The following OXNAD1 variants were observed in gnomAD, a reference collection of about 807,000 sequenced individuals.
OXNAD1 encodes the protein oxidoreductase NAD binding domain containing 1, also known as oxidoreductase NAD-binding domain-containing protein 1.
OXNAD1 carries 34 observed loss-of-function variants against 32.9 expected under a neutral mutation model. The ratio of observed to expected loss-of-function variants is 1.03; its 90% CI spans 0.79 to 1.38. OXNAD1 has a LOEUF of 1.38. Among genes scored for constraint, OXNAD1 ranks in the 40% most tolerant of loss-of-function variants. OXNAD1 has a pLI of 0.00. For missense variants in OXNAD1, 407 were observed against 379.4 expected, an observed-to-expected ratio of 1.07 and a Z score of -0.60; for synonymous variants, 134 against 135.2, an observed-to-expected ratio of 0.99 and a Z score of 0.06.
chr3:16,328,984 A>G, intron 9 of OXNAD1, among the ~76,000 whole-genome samples: 1 of 152,236 alleles, frequency 6.6e-6, no homozygotes, highest in East Asian at 1.9e-4. Context: ...TAAGGTTTGA[A>G]TGTATCCCCC....
At chr3:16,333,239 G>T (rs541636462) in intron 9 of OXNAD1, among the ~76,000 whole-genome samples, 1 of 152,172 alleles carries the variant, frequency 6.6e-6, no homozygotes, top group East Asian at 1.9e-4. Flanking sequence ...GGCACTATGT[G>T]TACCACAAAA....
At chr3:16,319,209 G>A (rs1034373438) in intron 9 of OXNAD1, among the ~76,000 whole-genome samples, 3 of 152,138 alleles carry the variant, frequency 2.0e-5, no homozygotes, top group Non-Finnish European at 4.4e-5. Context: ...TTTAGAAAAG[G>A]ACCAGTGAAG....
chr3:16,279,625 A>T lies in OXNAD1; in HGVS notation c.184-6717A>T, dbSNP rs2065604768. On this transcript the variant is annotated intron_variant, in intron 4 of 8. Transcript: ENST00000285083. ...GCAGAAGAGCAAGAGCCAGCAAAGG[A>T]GATGGAGAAGGAGTGGCCAGCCAGA... is the stretch of plus-strand genomic sequence containing the variant. 2.0e-5 allele frequency among the ~76,000 whole-genome samples: 3 copies of T among 151,880 alleles called. No individual in the cohort carries two copies. In the South Asian group the frequency reaches 6.3e-4, roughly 32 times the overall value.
downstream of OXNAD1, among the ~76,000 whole-genome samples, chr3:16,338,227 A>T (rs1321085914): frequency 6.6e-6 from 1 of 152,224 alleles, no homozygotes; most frequent in East Asian, 1.9e-4. The surrounding 1 kb of genome is among the most constrained non-coding windows in gnomAD (Gnocchi z 5.3). Context: ...CATCCTTATT[A>T]TCAGGGGTGT....
chr3:16,337,560 G>A (rs1000732766), downstream of OXNAD1, among the ~76,000 whole-genome samples: 2 of 151,834 alleles, frequency 1.3e-5, no homozygotes, highest in African/African-American at 4.8e-5. This position sits in a 1 kb window ranked among gnomAD's most constrained non-coding sequence, Gnocchi z 5.0. Context: ...TGGCCAACAT[G>A]GTGAAACCTC....
chr3:16,348,892 A>G lies in OXNAD1; in HGVS notation c.*31-284A>G, dbSNP rs2125313312. Among the ~76,000 whole-genome samples the G allele has an allele frequency of 6.6e-6, 1 of 152,304 alleles. No individual in the cohort carries two copies. On this transcript the variant is annotated intron_variant, in intron 9 of 9. Transcript: ENST00000606098. This position sits in a 1 kb window ranked among gnomAD's most constrained non-coding sequence, Gnocchi z 6.3. ...GTCCTGCCACTGCCACAATCCACACACATTTCAGAACACCCGAGCAAGTGG... is the reference window on the plus strand; with the variant it reads ...GTCCTGCCACTGCCACAATCCACACGCATTTCAGAACACCCGAGCAAGTGG...
downstream of OXNAD1, among the ~76,000 whole-genome samples, chr3:16,307,890 G>C (rs1015731072): frequency 4.6e-5 from 7 of 152,136 alleles, no homozygotes; most frequent in African/African-American, 1.4e-4. Context: ...AATTGGTACA[G>C]TACTATTAAA....
chr3:16,342,157 A>T (rs190495832), downstream of OXNAD1, among the ~76,000 whole-genome samples: 132 of 151,370 alleles, frequency 8.7e-4, 1 homozygote, highest in African/African-American at 3.1e-3. The surrounding 1 kb of genome is among the most constrained non-coding windows in gnomAD (Gnocchi z 4.0). Flanking sequence ...CACTTTCATC[A>T]CCCCCCACAC....
rs779186237 is a variant in OXNAD1 at position 16,316,913 on chromosome 3, C to T, written c.*30+13321C>T. 1.2e-6 allele frequency: 2 copies of T among 1,614,054 alleles called. No homozygotes were observed. Among genetic ancestry groups the T allele is most frequent in the African/African-American group, 2.7e-5 (2 of 74,922 alleles). On this transcript the variant is annotated intron_variant, in intron 9 of 9. Transcript: ENST00000435829. The surrounding 1 kb of genome is among the most constrained non-coding windows in gnomAD (Gnocchi z 4.5). ...CTCTCCAGGATTGGAGTGCCCAGTG[C>T]AAATCCCCACCAGGGCCCTGCTGTG...
chr3:16,291,608 G>A (rs1396611877), intron 5 of OXNAD1, among the ~76,000 whole-genome samples: 1 of 152,170 alleles, frequency 6.6e-6, no homozygotes, highest in Non-Finnish European at 1.5e-5. Flanking sequence ...TCCATTGTAT[G>A]GATATGCCAC....
rs751428359 is a variant in OXNAD1 at position 16,302,650 on chromosome 3, T to G, written c.686T>G (p.Leu229Arg). 2.9e-5 allele frequency: 47 copies of G among 1,609,894 alleles called. No homozygotes were observed. The Admixed American group carries it at 7.5e-4, about 26-fold the overall frequency. ...TGTTTGACATTCCAGAAAAATATCC[T>G]TGATTTAGTAAATGAATTTCCTGAG... ...TSELLFKKNI[L>R]DLVNEFPEKI... is the part of the protein sequence containing the mutation. Residue 229 changes from leucine to arginine, a missense_variant, in exon 8 of 9, where the codon CTT becomes CGT. Transcript: ENST00000285083. The surrounding 1 kb of genome is among the most constrained non-coding windows in gnomAD (Gnocchi z 4.2).
At chr3:16,281,280 T>C (rs896559841) in intron 4 of OXNAD1, among the ~76,000 whole-genome samples, 3 of 152,220 alleles carry the variant, frequency 2.0e-5, no homozygotes, top group African/African-American at 4.8e-5. Context: ...GTTCCAGATA[T>C]AGATAAAACA....
Position 16,322,757 on chromosome 3 carries a change from T to A in OXNAD1, c.*31-14355T>A, listed in dbSNP as rs1267275706. On this transcript the variant is annotated intron_variant, in intron 9 of 9. Transcript: ENST00000435829. This position sits in a 1 kb window ranked among gnomAD's most constrained non-coding sequence, Gnocchi z 6.2. ...GACTCTCTGAGAAGGCCAGTCTCTGTGCGACTGTTTCTAGGGTAGTTCAGA... is the reference window on the plus strand; with the variant it reads ...GACTCTCTGAGAAGGCCAGTCTCTGAGCGACTGTTTCTAGGGTAGTTCAGA... 6.6e-6 allele frequency among the ~76,000 whole-genome samples: 1 copy of A among 152,080 alleles called. No individual in the cohort carries two copies. The highest frequency in any genetic ancestry group is 1.5e-5 in the Non-Finnish European group (1 of 68,012).
chr3:16,311,758 C>A (rs1329158776), intron 9 of OXNAD1, among the ~76,000 whole-genome samples: 1 of 152,038 alleles, frequency 6.6e-6, no homozygotes, highest in Non-Finnish European at 1.5e-5. Context: ...GGGATCCCTG[C>A]ATTTTCCTCA....
In OXNAD1 at chr3:16,327,737, G is replaced by A. The variant is rs1326318953; in HGVS notation, c.*31-9375G>A. ...GATGGCACCACTGCACTCCAGCCTG[G>A]GTGACAGAGCGGGATTCCCATCTCA... On this transcript the variant is annotated intron_variant, in intron 9 of 9. Coordinates refer to the OXNAD1 transcript ENST00000435829. The surrounding 1 kb of genome is among the most constrained non-coding windows in gnomAD (Gnocchi z 4.2). 6.6e-6 allele frequency among the ~76,000 whole-genome samples: 1 copy of A among 151,326 alleles called. No individual in the cohort carries two copies. Among genetic ancestry groups the A allele is most frequent in the Admixed American group, 6.6e-5 (1 of 15,172 alleles).
At chr3:16,308,287 G>C (rs1374798366), downstream of OXNAD1, among the ~76,000 whole-genome samples, 1 of 152,092 alleles carries the variant, frequency 6.6e-6, no homozygotes, top group Non-Finnish European at 1.5e-5. This position sits in a 1 kb window ranked among gnomAD's most constrained non-coding sequence, Gnocchi z 4.4. Context: ...TGGATGACTG[G>C]GTGAGTCACT....
intron 9 of OXNAD1, among the ~76,000 whole-genome samples, chr3:16,325,053 T>A (rs1429505566): frequency 6.6e-6 from 1 of 152,226 alleles, no homozygotes; most frequent in Non-Finnish European, 1.5e-5. Context: ...CTTAAATCTG[T>A]TTTGTAAATT....
At chr3:16,310,775 AG>A (rs2125124779), downstream of OXNAD1, among the ~76,000 whole-genome samples, 1 of 152,160 alleles carries the variant, frequency 6.6e-6, no homozygotes, top group Non-Finnish European at 1.5e-5. Context: ...AAATCACCTG[AG>A]GTCGGGAGTT....
chr3:16,309,154 C>T (rs113213039), downstream of OXNAD1, among the ~76,000 whole-genome samples: 4,810 of 152,266 alleles, frequency 0.032, 105 homozygotes, highest in Middle Eastern at 0.082. Context: ...TTTTAATACA[C>T]TTCAAATTCT....
Sources: allele counts gnomAD v4.1 joint callset (sites outside exome capture counted in the v4.1 genomes callset), GRCh38; gene constraint gnomAD v4.1.1; non-coding constraint Gnocchi (gnomAD v3.1); transcripts MANE v1.5; gene names NCBI Gene and HGNC (gene_info 2026-07-23, HGNC 2026-07-21).